ZNF469: variants seen among roughly 807,000 people sequenced by gnomAD.
ZNF469 encodes the protein zinc finger protein 469.
In ZNF469, 1 loss-of-function variant was observed where a neutral mutation model predicts 1.0. That is an observed-to-expected ratio of 1.00 (90% CI 0.35 to 4.73). The LOEUF (loss-of-function observed/expected upper bound fraction) is 4.73. Ranked by LOEUF, ZNF469 falls within the 30% of genes most tolerant of loss-of-function variation. The pLI, the probability that ZNF469 is intolerant of heterozygous loss-of-function variation, is 0.16. For synonymous variants in ZNF469, 2,703 were observed against 2,363.4 expected (o/e 1.14, Z -4.17); for missense variants, 6,100 against 5,356.3 (o/e 1.14, Z -4.33).
intron 1 of ZNF469, among the ~76,000 whole-genome samples, chr16:88,410,730 T>C (rs915757478): frequency 6.7e-6 from 1 of 150,064 alleles, no homozygotes; most frequent in Non-Finnish European, 1.5e-5. Flanking sequence ...ATGCCGTTGA[T>C]GGTGCAGGTC....
chr16:88,192,785 T>G, the ZNF469 span, among the ~76,000 whole-genome samples: 3 of 150,588 alleles, frequency 2.0e-5, no homozygotes, highest in Admixed American at 2.0e-4. Context: ...ATGGTGGTGA[T>G]AGTGGTGATG....
the ZNF469 span, among the ~76,000 whole-genome samples, chr16:88,276,977 C>G: frequency 6.6e-6 from 1 of 152,244 alleles, no homozygotes; most frequent in Admixed American, 6.5e-5. Context: ...CACGCCAACA[C>G]TCGGTCAGTA....
chr16:88,277,684 AGTGCACGG>A, the ZNF469 span, among the ~76,000 whole-genome samples: 1 of 125,974 alleles, frequency 7.9e-6, no homozygotes, highest in Non-Finnish European at 1.7e-5. Context: ...TGTAGATATC[AGTGCACGG>A]TTAGTGCTGC....
At chr16:88,353,704 C>A in the ZNF469 span, among the ~76,000 whole-genome samples, 1 of 152,226 alleles carries the variant, frequency 6.6e-6, no homozygotes, top group African/African-American at 2.4e-5. Flanking sequence ...GAAACAGGGG[C>A]CTTGCAGGTG....
At chr16:88,393,306 C>G (rs1383240435) in intron 1 of ZNF469, among the ~76,000 whole-genome samples, 1 of 152,210 alleles carries the variant, frequency 6.6e-6, no homozygotes. Flanking sequence ...GCCCAGGGCC[C>G]GCGGCATCCG....
At chr16:88,199,096 G>A in the ZNF469 span, among the ~76,000 whole-genome samples, 7 of 152,274 alleles carry the variant, frequency 4.6e-5, no homozygotes, top group South Asian at 1.0e-3. Context: ...CCATTCCACC[G>A]TGACCTGGCA....
At chr16:88,102,315 G>A in the ZNF469 span, among the ~76,000 whole-genome samples, 13 of 152,228 alleles carry the variant, frequency 8.5e-5, no homozygotes, top group South Asian at 4.1e-4. Context: ...TCAGAAGTTC[G>A]TAGAGCAGCC....
the ZNF469 span, among the ~76,000 whole-genome samples, chr16:88,192,985 GTGA>G: frequency 7.4e-6 from 1 of 135,054 alleles, no homozygotes; most frequent in Admixed American, 7.3e-5. Context: ...GATGGTGGTG[GTGA>G]TGGTGGTGGT....
At chr16:88,167,393 C>A in the ZNF469 span, among the ~76,000 whole-genome samples, 1,409 of 152,266 alleles carry the variant, frequency 9.3e-3, 21 homozygotes, top group African/African-American at 0.032. Flanking sequence ...TGCCATTGAC[C>A]AGATGGGTCC....
At chr16:88,127,168 A>G in the ZNF469 span, among the ~76,000 whole-genome samples, 6 of 152,084 alleles carry the variant, frequency 3.9e-5, no homozygotes, top group African/African-American at 1.4e-4. Flanking sequence ...TTGTTGAGGA[A>G]TGTTGCCGTG....
the ZNF469 span, among the ~76,000 whole-genome samples, chr16:88,357,677 G>A: frequency 6.6e-5 from 10 of 152,352 alleles, no homozygotes; most frequent in African/African-American, 1.9e-4. Flanking sequence ...TCCGAAGCAC[G>A]CCAAGTCTGT....
At chr16:88,253,312 C>A in the ZNF469 span, among the ~76,000 whole-genome samples, 1 of 152,294 alleles carries the variant, frequency 6.6e-6, no homozygotes, top group South Asian at 2.1e-4. Context: ...AACTCCCTGA[C>A]GATCAGTGAG....
chr16:88,280,883 C>A, the ZNF469 span, among the ~76,000 whole-genome samples: 1 of 151,690 alleles, frequency 6.6e-6, no homozygotes, highest in Non-Finnish European at 1.5e-5. Flanking sequence ...CACACCAACA[C>A]TCAGTCAGTA....
chr16:88,257,365 C>T, the ZNF469 span, among the ~76,000 whole-genome samples: 2 of 152,018 alleles, frequency 1.3e-5, no homozygotes, highest in South Asian at 4.2e-4. Context: ...TGTTTATTTT[C>T]AAATTATTGA....
Position 88,431,537 on chromosome 16 carries a change from C to A in ZNF469, c.4067C>A (p.Pro1356His), listed in dbSNP as rs1298951476. ...SSKISSFGCD[P>H]AGFNRDPLGV... ...AAGATCTCCAGTTTTGGCTGTGACC[C>A]TGCTGGTTTTAACAGAGACCCCTTG... The change falls in exon 3 of 3, where the codon CCT (proline) becomes CAT (histidine). Residue 1356 changes from proline to histidine, a missense_variant. By Grantham distance (77) the Pro-to-His change is moderately conservative (BLOSUM62 -2). Coordinates refer to ENST00000565624, the MANE Select transcript of ZNF469 (RefSeq NM_001367624.2). 1.3e-6 allele frequency: 2 copies of A among 1,550,316 alleles called. No individual in the cohort carries two copies. Among genetic ancestry groups the A allele is most frequent in the African/African-American group, 2.7e-5 (2 of 73,062 alleles).
chr16:88,326,908 G>C, the ZNF469 span, among the ~76,000 whole-genome samples: 196 of 152,228 alleles, frequency 1.3e-3, 2 homozygotes, highest in African/African-American at 4.5e-3. Flanking sequence ...TGGCAGCGGG[G>C]CCCAGGAGCA....
chr16:88,164,530 T>G, the ZNF469 span, among the ~76,000 whole-genome samples: 1 of 152,126 alleles, frequency 6.6e-6, no homozygotes, highest in African/African-American at 2.4e-5. Flanking sequence ...TGTGGGTGGA[T>G]GGACAGACAG....
the ZNF469 span, among the ~76,000 whole-genome samples, chr16:88,110,523 A>G: frequency 6.6e-6 from 1 of 152,146 alleles, no homozygotes; most frequent in South Asian, 2.1e-4. Context: ...CTGCTCCTCC[A>G]CACCCACATG....
the ZNF469 span, among the ~76,000 whole-genome samples, chr16:88,186,969 G>A: frequency 2.6e-5 from 4 of 152,118 alleles, no homozygotes; most frequent in African/African-American, 9.7e-5. Context: ...GCAGAGACGG[G>A]CTCCAGGGAG....
Sources: gnomAD v4.1 joint callset for allele counts (sites outside exome capture counted in the v4.1 genomes callset) on GRCh38, gnomAD v4.1.1 for gene constraint, MANE v1.5 for transcripts, NCBI Gene and HGNC (gene_info 2026-07-23, HGNC 2026-07-21) for gene names.